KRT77: variants seen among roughly 807,000 people sequenced by gnomAD.
KRT77 encodes the protein keratin, type II cytoskeletal 1b.
Under a neutral mutation model 51.5 loss-of-function variants are expected in KRT77, and 44 were observed. That is an observed-to-expected ratio of 0.85 (90% CI 0.67 to 1.10). KRT77 has a LOEUF of 1.10. Ranked by LOEUF, KRT77 falls within the 50% of genes least tolerant of loss-of-function variation. KRT77 has a pLI of 0.00. For missense variants in KRT77, 763 were observed against 743.9 expected, an observed-to-expected ratio of 1.03 and a Z score of -0.30; for synonymous variants, 293 against 302.0, an observed-to-expected ratio of 0.97 and a Z score of 0.31.
Position 52,703,483 on chromosome 12 carries a change from A to C in KRT77, c.-49T>G. The C allele has an allele frequency of 6.7e-7, 1 of 1,502,436 alleles. No homozygotes were observed. Among genetic ancestry groups the C allele is most frequent in the Non-Finnish European group, 8.9e-7 (1 of 1,119,828 alleles). 93.1% of individuals were successfully genotyped at this position (1,502,436 alleles called of 1,614,324 possible). ...CAGGCAAGAGAAAGAGCCTGGCAGG[A>C]AGGAGGCAGAGACCAGAGAGGAAAG... On this transcript the variant is annotated 5_prime_UTR_variant, in exon 1 of 9. Transcript: ENST00000341809.
At chr12:52,694,544 A>G in intron 5 of KRT77, 82 bp downstream of exon 5, 1 of 1,307,798 alleles carries the variant, frequency 7.6e-7, no homozygotes, top group Non-Finnish European at 1.0e-6. Context: ...TTCAGAAATA[A>G]GAGAAAGACA....
rs763052416 is a variant in KRT77 at position 52,703,026 on chromosome 12, G to T, written c.409C>A (p.Gln137Lys). 9 of 1,613,978 alleles carry T rather than the reference G, an allele frequency of 5.6e-6. No individual in the cohort carries two copies. The highest frequency in any genetic ancestry group is 7.6e-6 in the Non-Finnish European group (9 of 1,179,990). Residue 137 changes from glutamine to lysine, a missense_variant, in exon 1 of 9, where the codon CAA becomes AAA. Coordinates refer to ENST00000341809, the MANE Select transcript of KRT77 (RefSeq NM_175078.3). ...AGGCTCTGGTTAATGGTCACCTCTT[G>T]GATGCCCCCAGGAGGACAATAAGGA... The part of the protein sequence containing the change: ...FGPYCPPGGI[Q>K]EVTINQSLLE...
At chr12:52,698,151 T>C in intron 1 of KRT77, 2 of 1,392,204 alleles carry the variant, frequency 1.4e-6, no homozygotes, top group Non-Finnish European at 1.9e-6. Context: ...AATCACCTCC[T>C]TCATTTACAT....
In KRT77 at chr12:52,697,772, C is replaced by A. The variant is rs200157774; in HGVS notation, c.668G>T (p.Arg223Leu). The A allele has an allele frequency of 6.2e-7, 1 of 1,613,978 alleles. No homozygotes were observed. Residue 223 changes from arginine to leucine, a missense_variant, in exon 2 of 9, where the codon CGG (arginine) becomes CTG (leucine). Arg to Leu is a moderately radical substitution (Grantham distance 102). Coordinates refer to ENST00000341809, the MANE Select transcript of KRT77 (RefSeq NM_175078.3). The stretch of plus-strand genomic sequence containing the variant: ...CGCACTGAGCAAATCCACCTGCCTC[C>A]GCAGGTCACCGATGTAGTTCTCCAA... ...PLLENYIGDL[R>L]RQVDLLSAEQ...
intron 3 of KRT77, 48 bp from the exon 4 acceptor site, chr12:52,695,915 TG>T: frequency 8.3e-7 from 1 of 1,198,866 alleles, no homozygotes; most frequent in South Asian, 1.2e-5. Flanking sequence ...AGGCATTGCC[TG>T]CCACCAGCTC....
intron 4 of KRT77, 128 bp downstream of exon 4, chr12:52,695,644 T>G: frequency 1.5e-6 from 1 of 645,756 alleles, no homozygotes; most frequent in Non-Finnish European, 2.8e-6. Context: ...GCCCACAGAG[T>G]TGGGGTACCT....
At chr12:52,692,683 C>T in intron 6 of KRT77, 42 bp from the exon 7 acceptor site, 5 of 1,594,578 alleles carry the variant, frequency 3.1e-6, no homozygotes, top group Non-Finnish European at 4.3e-6. Context: ...GGTTAAGTTT[C>T]CAGAGCTCGA....
At chr12:52,694,514 G>T in intron 5 of KRT77, 112 bp downstream of exon 5, 1 of 1,017,046 alleles carries the variant, frequency 9.8e-7, no homozygotes. Flanking sequence ...TCTAGAATTT[G>T]TATAACAAAC....
chr12:52,696,229 G>A, intron 3 of KRT77, 141 bp downstream of exon 3: 1 of 731,082 alleles, frequency 1.4e-6, no homozygotes, highest in Non-Finnish European at 2.4e-6. Flanking sequence ...TCCAATGTAA[G>A]GGCCCCGCAT....
At chr12:52,699,962 G>A (rs1941861788) in intron 1 of KRT77, among the ~76,000 whole-genome samples, 1 of 152,222 alleles carries the variant, frequency 6.6e-6, no homozygotes, top group African/African-American at 2.4e-5. Flanking sequence ...CTGCCTGCTG[G>A]TGTGGGCTAT....
rs776180693 is a variant in KRT77, at chr12:52,692,509, G to A, written c.1339C>T (p.Arg447Cys). Residue 447 changes from arginine (R) to cysteine (C), a missense_variant, in exon 7 of 9, where the codon CGT (arginine) becomes TGT (cysteine). Physicochemically the swap from Arg to Cys is radical, Grantham distance 180. Transcript: ENST00000341809. ...QSKEELARLL[R>C]DYQAMLGVKL... is the part of the protein sequence containing the mutation. ...ACCCCCAGCATGGCCTGGTAGTCAC[G>A]CAGCAGCCGGGCCAGCTCCTCCTTG... The A allele has an allele frequency of 1.2e-5, 20 of 1,614,044 alleles. No homozygotes were observed. Among genetic ancestry groups the A allele is most frequent in the Admixed American group, 1.0e-4 (6 of 60,022 alleles).
intron 1 of KRT77, among the ~76,000 whole-genome samples, chr12:52,701,117 G>A (rs989034807): frequency 1.3e-5 from 2 of 152,216 alleles, no homozygotes; most frequent in African/African-American, 4.8e-5. Flanking sequence ...TCATGGCAGG[G>A]GCCATAATCA....
intron 2 of KRT77, among the ~76,000 whole-genome samples, chr12:52,697,056 A>T (rs74093782): frequency 0.044 from 6,653 of 152,338 alleles, 500 homozygotes; most frequent in African/African-American, 0.15. Context: ...GTTTATAGTC[A>T]TAATAACAAG....
rs760694810 is a variant in KRT77 at position 52,691,417 on chromosome 12, G to A, written c.1485C>T (p.Ser495=). 5 of 1,595,074 alleles carry A rather than the reference G, an allele frequency of 3.1e-6. No individual in the cohort carries two copies. The South Asian group carries it at 3.4e-5, about 11-fold the overall frequency. The change falls in exon 9 of 9, where the codon AGC becomes AGT. Residue 495 remains serine (S), a synonymous_variant. Coordinates refer to ENST00000341809, the MANE Select transcript of KRT77 (RefSeq NM_175078.3). ...CGCCGCCTCCCGCGCCGCCGTTGACGCTCACCTGGCTGTTCTGCACGGCTG... is the reference window on the plus strand; with the variant it reads ...CGCCGCCTCCCGCGCCGCCGTTGACACTCACCTGGCTGTTCTGCACGGCTG... The part of the protein sequence containing the change: ...VSISVQNSQV[S]VNGGAGGGGS...
At chr12:52,695,089 G>A in intron 4 of KRT77, 1 of 211,802 alleles carries the variant, frequency 4.7e-6, no homozygotes, top group East Asian at 1.1e-4. Context: ...GGGCTCCTTG[G>A]CAGGCATGCC....
chr12:52,691,054 T>C lies in KRT77; in HGVS notation c.*111A>G. 2.6e-6 allele frequency: 4 copies of C among 1,511,628 alleles called. No individual in the cohort carries two copies. The highest frequency in any genetic ancestry group is 3.6e-6 in the Non-Finnish European group (4 of 1,103,392). The allele number at this position is 1,511,628 out of a possible 1,614,324, so 93.6% of individuals were successfully genotyped here. On this transcript the variant is annotated 3_prime_UTR_variant, in exon 9 of 9. Coordinates refer to ENST00000341809, the MANE Select transcript of KRT77 (RefSeq NM_175078.3). Reference sequence around the variant, plus strand: ...GAGTCGAATTTATTGGCAAAATTGCTGAGACCCATTAAGAAAAGTGAATGA... The same window carrying C: ...GAGTCGAATTTATTGGCAAAATTGCCGAGACCCATTAAGAAAAGTGAATGA...
intron 7 of KRT77, 44 bp downstream of exon 7, chr12:52,692,377 T>C: frequency 1.3e-6 from 2 of 1,598,724 alleles, no homozygotes; most frequent in Non-Finnish European, 1.7e-6. Flanking sequence ...GCTTCATGGG[T>C]GCATCTCAAG....
In KRT77 at chr12:52,703,491, A is replaced by C; in HGVS notation, c.-57T>G. 1 of 1,459,684 alleles carries C rather than the reference A, an allele frequency of 6.9e-7. No individual in the cohort carries two copies. The allele number at this position is 1,459,684 out of a possible 1,614,324, so 90.4% of individuals were successfully genotyped here. ...AGAAAGAGCCTGGCAGGAAGGAGGC[A>C]GAGACCAGAGAGGAAAGGAGCTCTG... On this transcript the variant is annotated 5_prime_UTR_variant, in exon 1 of 9. Transcript: ENST00000341809.
intron 8 of KRT77, 79 bp from the exon 9 acceptor site, chr12:52,691,518 C>T (rs143646129): frequency 2.1e-6 from 3 of 1,440,344 alleles, no homozygotes; most frequent in Non-Finnish European, 2.8e-6. Flanking sequence ...GCACCTGCAG[C>T]CTCCTCCATC....
Sources: allele counts gnomAD v4.1 joint callset (sites outside exome capture counted in the v4.1 genomes callset), GRCh38; gene constraint gnomAD v4.1.1; transcripts MANE v1.5; gene names NCBI Gene and HGNC (gene_info 2026-07-23, HGNC 2026-07-21).